The following NELL1 variants were observed in gnomAD, a reference collection of about 807,000 sequenced individuals.
NELL1 encodes protein kinase C-binding protein NELL1.
A neutral mutation model predicts 107.4 loss-of-function variants in NELL1; 76 were observed. That is an observed-to-expected ratio of 0.71 (90% CI 0.59 to 0.86). NELL1 has a LOEUF of 0.86. Among genes scored for constraint, NELL1 ranks in the 40% least tolerant of loss-of-function variants. The pLI, the probability that NELL1 is intolerant of heterozygous loss-of-function variation, is 0.00. For missense variants in NELL1, 1,024 were observed against 1,005.5 expected (o/e 1.02, Z -0.25); for synonymous variants, 353 against 341.2 (o/e 1.03, Z -0.38).
intron 12 of NELL1, among the ~76,000 whole-genome samples, chr11:21,012,485 C>G (rs1200021920): frequency 6.6e-6 from 1 of 152,068 alleles, no homozygotes. Context: ...CTTGGTCTCT[C>G]CCATTGTAAC....
intron 7 of NELL1, among the ~76,000 whole-genome samples, chr11:20,923,597 C>T (rs1850427670): frequency 6.6e-6 from 1 of 152,152 alleles, no homozygotes; most frequent in Non-Finnish European, 1.5e-5. Flanking sequence ...GTGATAGGGT[C>T]AGACTCTGTC....
At chr11:20,915,713 ATATATTT>A (rs1205799167) in intron 5 of NELL1, among the ~76,000 whole-genome samples, 1 of 57,722 alleles carries the variant, frequency 1.7e-5, no homozygotes, top group East Asian at 6.0e-4. Context: ...ATATATATAT[ATATATTT>A]TTTTTTTTTT....
At chr11:20,998,260 T>C (rs1852135307) in intron 12 of NELL1, among the ~76,000 whole-genome samples, 1 of 152,174 alleles carries the variant, frequency 6.6e-6, no homozygotes, top group Admixed American at 6.6e-5. Context: ...TAAATAGCCA[T>C]GCAGATATTA....
rs1356403751 is a variant in NELL1 at position 21,403,764 on chromosome 11, G to A, written c.1645+32816G>A. ...ATCAGAAAAAAAAGGAAGAATGGAT[G>A]TTGGGCATGCAGAAACAACAGCATC... On this transcript the variant is annotated intron_variant, in intron 15 of 19. Transcript: ENST00000357134. Among the ~76,000 whole-genome samples, 13 of 151,748 alleles carry A rather than the reference G, an allele frequency of 8.6e-5. 1 individual carries two copies. The highest frequency in any genetic ancestry group is 2.7e-4 in the African/African-American group (11 of 41,238).
At chr11:20,928,353 T>C in intron 8 of NELL1, 24 bp from the exon 9 acceptor site, 1 of 1,589,882 alleles carries the variant, frequency 6.3e-7, no homozygotes, top group Non-Finnish European at 8.6e-7. Flanking sequence ...TCTGAGATTA[T>C]GTTCCATGTC....
intron 12 of NELL1, among the ~76,000 whole-genome samples, chr11:20,973,418 T>G (rs1851541641): frequency 6.6e-6 from 1 of 152,312 alleles, no homozygotes; most frequent in Admixed American, 6.5e-5. Flanking sequence ...TCTTCGTTAC[T>G]TTTTCTTAAC....
At chr11:21,379,992 A>T (rs1851572971) in intron 15 of NELL1, among the ~76,000 whole-genome samples, 1 of 152,068 alleles carries the variant, frequency 6.6e-6, no homozygotes, top group Non-Finnish European at 1.5e-5. Context: ...AGAATACAAT[A>T]TTTATTCTAT....
In NELL1 at chr11:21,166,716, G is replaced by A. The variant is rs534621529; in HGVS notation, c.1426+53002G>A. Among the ~76,000 whole-genome samples, 56 of 151,950 alleles carry A rather than the reference G, an allele frequency of 3.7e-4. 1 individual carries two copies. Among genetic ancestry groups the A allele is most frequent in the South Asian group, 2.7e-3 (13 of 4,826 alleles). On this transcript the variant is annotated intron_variant, in intron 13 of 19. Coordinates refer to ENST00000357134, the MANE Select transcript of NELL1 (RefSeq NM_006157.5). ...CATAATCCATGTAGAGGCTAAGGCC[G>A]AAACTTTTGATCAAATGAAAGAAAA...
At position 20,687,005 on chromosome 11, in the gene NELL1, G is replaced by GA. The variant is rs1854320960; in HGVS notation, c.184+8952dup. 3.4e-5 allele frequency among the ~76,000 whole-genome samples: 5 copies of GA among 145,592 alleles called. No homozygotes were observed. The South Asian group carries it at 1.1e-3, about 32-fold the overall frequency. ...GCTGGAATCTCCTGTTTTCAGGAGA[G>GA]AAAAAAACATCTGGTCTGTTTTGGG... On this transcript the variant is annotated intron_variant, in intron 2 of 19. Coordinates refer to ENST00000357134, the MANE Select transcript of NELL1 (RefSeq NM_006157.5).
intron 5 of NELL1, among the ~76,000 whole-genome samples, chr11:20,901,855 AGGAT>A (rs1445279038): frequency 6.6e-6 from 1 of 152,138 alleles, no homozygotes; most frequent in Non-Finnish European, 1.5e-5. Context: ...CAATGAGGAA[AGGAT>A]GGATTCATCA....
Position 21,283,376 on chromosome 11 carries a change from G to A in NELL1, c.1549+53922G>A, listed in dbSNP as rs566510217. Among the ~76,000 whole-genome samples, 13 of 152,204 alleles carry A rather than the reference G, an allele frequency of 8.5e-5. No homozygotes were observed. In the South Asian group the frequency reaches 1.0e-3, roughly 12 times the overall value. On this transcript the variant is annotated intron_variant, in intron 14 of 19. Transcript: ENST00000357134. Reference sequence around the variant, plus strand: ...AAGATAGAACAAATTGAGCACTCTCGTGTGGGATTTTGGTAGTGGAAGAGG... The same window carrying A: ...AAGATAGAACAAATTGAGCACTCTCATGTGGGATTTTGGTAGTGGAAGAGG...
At chr11:21,518,036 A>G (rs1327743166) in intron 15 of NELL1, among the ~76,000 whole-genome samples, 1 of 151,720 alleles carries the variant, frequency 6.6e-6, no homozygotes, top group Non-Finnish European at 1.5e-5. Context: ...CCACAAGCAG[A>G]CAAAACGGCA....
intron 3 of NELL1, among the ~76,000 whole-genome samples, chr11:20,831,063 G>A (rs554504203): frequency 6.6e-6 from 1 of 152,296 alleles, no homozygotes; most frequent in African/African-American, 2.4e-5. Flanking sequence ...CTCAGAGAAA[G>A]TTTGCGTCAC....
At chr11:20,703,111 C>G (rs1320935181) in intron 2 of NELL1, among the ~76,000 whole-genome samples, 1 of 152,248 alleles carries the variant, frequency 6.6e-6, no homozygotes, top group East Asian at 1.9e-4. Flanking sequence ...TGTTAGAATT[C>G]AGCTGTGAAT....
chr11:20,799,388 A>G (rs540963880), intron 3 of NELL1, among the ~76,000 whole-genome samples: 3 of 152,344 alleles, frequency 2.0e-5, no homozygotes, highest in African/African-American at 7.2e-5. Flanking sequence ...ACAGTTACTT[A>G]CTAAGTGCAG....
At position 21,549,798 on chromosome 11, in the gene NELL1, T is replaced by A. The variant is rs568107517; in HGVS notation, c.1787-10391T>A. Among the ~76,000 whole-genome samples the A allele has an allele frequency of 2.6e-5, 4 of 151,836 alleles. No individual in the cohort carries two copies. In the East Asian group the frequency reaches 7.8e-4, roughly 30 times the overall value. Reference sequence around the variant, plus strand: ...AGATTGCCAAAGGTGGACACTAAAGTGTTAAGAACAGATTTTAATCCCTAA... The same window carrying A: ...AGATTGCCAAAGGTGGACACTAAAGAGTTAAGAACAGATTTTAATCCCTAA... On this transcript the variant is annotated intron_variant, in intron 16 of 19. Coordinates refer to ENST00000357134, the MANE Select transcript of NELL1 (RefSeq NM_006157.5).
At chr11:21,417,453 G>T (rs2133817714) in intron 15 of NELL1, among the ~76,000 whole-genome samples, 1 of 150,998 alleles carries the variant, frequency 6.6e-6, no homozygotes, top group South Asian at 2.1e-4. Context: ...TTTCAATTCA[G>T]ATTCATCGTT....
intron 14 of NELL1, among the ~76,000 whole-genome samples, chr11:21,360,027 G>A (rs1257914759): frequency 2.0e-5 from 3 of 151,842 alleles, no homozygotes; most frequent in African/African-American, 7.3e-5. Context: ...TTCTGCTGCT[G>A]CATTTTGGCT....
chr11:21,100,912 A>C (rs541725450), intron 12 of NELL1, among the ~76,000 whole-genome samples: 1 of 152,166 alleles, frequency 6.6e-6, no homozygotes, highest in African/African-American at 2.4e-5. Context: ...ATATGTATAC[A>C]TGTGCCATGT....
Sources: allele counts gnomAD v4.1 joint callset (sites outside exome capture counted in the v4.1 genomes callset), GRCh38; gene constraint gnomAD v4.1.1; transcripts MANE v1.5; gene names NCBI Gene and HGNC (gene_info 2026-07-23, HGNC 2026-07-21).